Variants in KIF3A observed in about 807,000 individuals in gnomAD.
KIF3A encodes kinesin family member 3A.
A neutral mutation model predicts 92.6 loss-of-function variants in KIF3A; 27 were observed. The observed-to-expected ratio is 0.29, with a 90% CI of 0.21 to 0.40. The LOEUF (loss-of-function observed/expected upper bound fraction) is 0.40. Among genes scored for constraint, KIF3A ranks in the 10% least tolerant of loss-of-function variants. KIF3A has a pLI of 1.00. For synonymous variants in KIF3A, 250 were observed against 275.4 expected, an observed-to-expected ratio of 0.91 and a Z score of 0.92; for missense variants, 581 against 872.6, an observed-to-expected ratio of 0.67 and a Z score of 4.21.
At chr5:132,714,307 G>C (rs929059475) in intron 8 of KIF3A, among the ~76,000 whole-genome samples, 4 of 152,114 alleles carry the variant, frequency 2.6e-5, no homozygotes, top group South Asian at 2.1e-4. Flanking sequence ...TTTTTAATGA[G>C]TACAAAGTTT....
chr5:132,706,726 C>T (rs1753225155), intron 10 of KIF3A, among the ~76,000 whole-genome samples: 1 of 152,112 alleles, frequency 6.6e-6, no homozygotes, highest in African/African-American at 2.4e-5. Context: ...AAGTCAATCT[C>T]AAGATCTCAC....
rs1753894101 is a variant in KIF3A, at chr5:132,723,405, C to T, written c.511-2691G>A. ...CACTACCTGACTTCAAACTATACTA[C>T]AAGGCTACAGTAACCAAAACAGCAT... On this transcript the variant is annotated intron_variant, in intron 4 of 18. Coordinates refer to ENST00000403231, the MANE Select transcript of KIF3A (RefSeq NM_001300791.2). 7 of 152,322 alleles carry T rather than the reference C, an allele frequency of 4.6e-5. No homozygotes were observed. The South Asian group carries it at 1.4e-3, about 32-fold the overall frequency. 9.4% of individuals were successfully genotyped at this position (152,322 alleles called of 1,614,324 possible). A position where few individuals can be genotyped will look rare whatever the true frequency, so the allele number is the denominator to read the frequency against.
intron 15 of KIF3A, among the ~76,000 whole-genome samples, chr5:132,701,843 G>A (rs1208271485): frequency 6.6e-6 from 1 of 151,888 alleles, no homozygotes; most frequent in Non-Finnish European, 1.5e-5. Context: ...CTGAATGAAG[G>A]AATGGGACCT....
chr5:132,737,290 G>A (rs1754431799), intron 1 of KIF3A, 124 bp downstream of exon 1: 3 of 1,118,060 alleles, frequency 2.7e-6, no homozygotes, highest in Non-Finnish European at 3.7e-6. Flanking sequence ...TCCACCGCAC[G>A]ACCGAGCCTG....
intron 5 of KIF3A, among the ~76,000 whole-genome samples, chr5:132,717,447 G>A (rs760390052): frequency 7.9e-5 from 12 of 151,966 alleles, no homozygotes; most frequent in South Asian, 4.1e-4. Context: ...CTGAGATTGC[G>A]CCACTGCACT....
chr5:132,708,343 G>A (rs1753296318), intron 10 of KIF3A, among the ~76,000 whole-genome samples: 1 of 150,628 alleles, frequency 6.6e-6, no homozygotes, highest in Non-Finnish European at 1.5e-5. Flanking sequence ...ACAGAAATAT[G>A]GATAAATGTC....
At chr5:132,700,745 A>T in intron 15 of KIF3A, 45 bp from the exon 16 acceptor site, 3 of 1,218,204 alleles carry the variant, frequency 2.5e-6, no homozygotes, top group Non-Finnish European at 3.6e-6. Flanking sequence ...ATTTAATAAC[A>T]TCTAAAATAT....
intron 2 of KIF3A, among the ~76,000 whole-genome samples, chr5:132,727,280 A>C (rs1322308069): frequency 6.6e-6 from 1 of 152,250 alleles, no homozygotes; most frequent in Non-Finnish European, 1.5e-5. Context: ...GTGACAAGAC[A>C]AACACAATCC....
At chr5:132,736,319 G>T (rs1754387010) in intron 1 of KIF3A, among the ~76,000 whole-genome samples, 1 of 152,044 alleles carries the variant, frequency 6.6e-6, no homozygotes. Flanking sequence ...CTTCTTGGGA[G>T]GAAAAAAAAT....
At chr5:132,724,056 T>C (rs1406005969) in intron 4 of KIF3A, among the ~76,000 whole-genome samples, 2 of 152,150 alleles carry the variant, frequency 1.3e-5, no homozygotes, top group Non-Finnish European at 2.9e-5. Flanking sequence ...AAAATGCTCA[T>C]CATCACTGGT....
At chr5:132,710,788 CG>C (rs879886692) in intron 9 of KIF3A, among the ~76,000 whole-genome samples, 170 bp downstream of exon 9, 1 of 152,104 alleles carries the variant, frequency 6.6e-6, no homozygotes, top group Non-Finnish European at 1.5e-5. Flanking sequence ...CAGCTATAAA[CG>C]GATCAATACA....
chr5:132,725,327 T>C lies in KIF3A; in HGVS notation c.510+801A>G, dbSNP rs533618644. Reference sequence around the variant, plus strand: ...TACACTGCTCCAAAAACTCAGTTTATGCAGTAAACTTAAAAAGAAAAAAAA... The same window carrying C: ...TACACTGCTCCAAAAACTCAGTTTACGCAGTAAACTTAAAAAGAAAAAAAA... On this transcript the variant is annotated intron_variant, in intron 4 of 18. Coordinates refer to ENST00000403231, the MANE Select transcript of KIF3A (RefSeq NM_001300791.2). 1.9e-3 allele frequency among the ~76,000 whole-genome samples: 287 copies of C among 152,286 alleles called. 4 individuals are homozygous for C. The highest frequency in any genetic ancestry group is 6.0e-3 in the African/African-American group (248 of 41,562).
intron 5 of KIF3A, among the ~76,000 whole-genome samples, chr5:132,718,678 G>A (rs1215798813): frequency 6.6e-6 from 1 of 152,114 alleles, no homozygotes; most frequent in Non-Finnish European, 1.5e-5. Flanking sequence ...CCAGGCTGGA[G>A]TTCAGTGGTG....
chr5:132,736,145 C>T (rs1050764366), intron 1 of KIF3A, among the ~76,000 whole-genome samples: 7 of 152,186 alleles, frequency 4.6e-5, no homozygotes, highest in Admixed American at 2.6e-4. Context: ...TTTGCTTGTT[C>T]CTTATTTGAT....
chr5:132,732,243 G>A (rs1042845019), intron 2 of KIF3A, among the ~76,000 whole-genome samples: 2 of 152,184 alleles, frequency 1.3e-5, no homozygotes, highest in African/African-American at 4.8e-5. Flanking sequence ...TGTAGCTACT[G>A]TAGAAAAGTT....
intron 1 of KIF3A, among the ~76,000 whole-genome samples, chr5:132,737,112 G>A (rs1429919278): frequency 6.6e-6 from 1 of 152,252 alleles, no homozygotes; most frequent in African/African-American, 2.4e-5. Flanking sequence ...TCAGCAGGAA[G>A]GGCTGCGAGC....
chr5:132,715,735 T>A lies in KIF3A; in HGVS notation c.1129+22A>T, dbSNP rs111931530. ...ATGTATTTTTAGCCAACATAAAGAT[T>A]AATATTTTGAGGAAAAGCTACCTTC... On this transcript the variant is annotated intron_variant, in intron 8 of 18. Coordinates refer to ENST00000403231, the MANE Select transcript of KIF3A (RefSeq NM_001300791.2). The A allele has an allele frequency of 1.5e-5, 23 of 1,570,532 alleles. No individual in the cohort carries two copies. The African/African-American group carries it at 2.6e-4, about 18-fold the overall frequency.
intron 3 of KIF3A, 67 bp downstream of exon 3, chr5:132,726,287 T>C (rs1053215495): frequency 6.4e-7 from 1 of 1,573,224 alleles, no homozygotes; most frequent in African/African-American, 1.4e-5. Flanking sequence ...TTTATAAAAT[T>C]TATACCTATG....
chr5:132,728,287 A>C (rs962166142), intron 2 of KIF3A, among the ~76,000 whole-genome samples: 1 of 152,234 alleles, frequency 6.6e-6, no homozygotes, highest in Non-Finnish European at 1.5e-5. Flanking sequence ...CTGCAGCCTC[A>C]AACTCCTGGG....
Sources: allele counts gnomAD v4.1 joint callset (sites outside exome capture counted in the v4.1 genomes callset), GRCh38; gene constraint gnomAD v4.1.1; transcripts MANE v1.5; gene names NCBI Gene and HGNC (gene_info 2026-07-23, HGNC 2026-07-21).